The following CSMD1 variants were observed in gnomAD, a reference collection of about 807,000 sequenced individuals.
The protein encoded by CSMD1 is CUB and sushi domain-containing protein 1.
CSMD1 carries 213 observed loss-of-function variants against 417.5 expected under a neutral mutation model. That is an observed-to-expected ratio of 0.51 (90% CI 0.46 to 0.57). The LOEUF (loss-of-function observed/expected upper bound fraction) is 0.57. CSMD1 is among the 20% of genes least tolerant of loss of function. The probability of loss-of-function intolerance (pLI) is 0.00; values close to 1 mark genes in which losing one functional copy is unlikely to be tolerated. For synonymous variants in CSMD1, 2,862 were observed against 1,736.8 expected (o/e 1.65, Z -16.11); for missense variants, 6,923 against 4,529.7 (o/e 1.53, Z -15.17).
intron 5 of CSMD1, among the ~76,000 whole-genome samples, chr8:3,851,036 T>A (rs1236141799): frequency 6.6e-6 from 1 of 152,232 alleles, no homozygotes; most frequent in Non-Finnish European, 1.5e-5. Context: ...GATGCTCACA[T>A]AACAATTTGT....
chr8:3,997,998 C>T lies in CSMD1; in HGVS notation c.723G>A (p.Glu241=), dbSNP rs961664685. The T allele has an allele frequency of 6.2e-7, 1 of 1,609,898 alleles. No individual in the cohort carries two copies. The highest frequency in any genetic ancestry group is 1.3e-5 in the African/African-American group (1 of 74,894). ...NADCTWTILA[E]PGDTIALVFT... ...AGACCAGCGCAATGGTGTCCCCGGG[C>T]TCAGCCAGAATGGTCCAGGTGCAGT... is the stretch of plus-strand genomic sequence containing the variant. Residue 241 remains glutamate, a synonymous_variant, in exon 5 of 70, where the codon GAG becomes GAA. Coordinates refer to ENST00000635120, the MANE Select transcript of CSMD1 (RefSeq NM_033225.6).
chr8:4,240,604 C>T (rs1397335672), intron 3 of CSMD1, among the ~76,000 whole-genome samples: 1 of 152,188 alleles, frequency 6.6e-6, no homozygotes, highest in Non-Finnish European at 1.5e-5. Context: ...ACTCCTTTCA[C>T]ACTGAGGATG....
intron 60 of CSMD1, among the ~76,000 whole-genome samples, 165 bp downstream of exon 60, chr8:2,963,057 A>G (rs1291301013): frequency 6.6e-6 from 1 of 151,644 alleles, no homozygotes; most frequent in East Asian, 1.9e-4. Context: ...CAAAAAGGAG[A>G]CTCTGCCCTT....
intron 2 of CSMD1, among the ~76,000 whole-genome samples, chr8:4,530,159 C>T (rs1389120500): frequency 6.6e-6 from 1 of 151,712 alleles, no homozygotes; most frequent in Non-Finnish European, 1.5e-5. Flanking sequence ...GTGATCTGCC[C>T]ACCTCAGCCT....
chr8:4,294,550 G>C (rs1210925448), intron 3 of CSMD1, among the ~76,000 whole-genome samples: 1 of 152,090 alleles, frequency 6.6e-6, no homozygotes, highest in Non-Finnish European at 1.5e-5. Context: ...CAAATCACTT[G>C]TCCATGGTGC....
intron 12 of CSMD1, among the ~76,000 whole-genome samples, chr8:3,420,342 C>G (rs947412449): frequency 1.3e-5 from 2 of 149,214 alleles, no homozygotes; most frequent in African/African-American, 4.9e-5. Context: ...AAGGCAGTAA[C>G]AATTCAGAGG....
At chr8:4,153,998 G>C (rs1429571118) in intron 3 of CSMD1, among the ~76,000 whole-genome samples, 1 of 152,144 alleles carries the variant, frequency 6.6e-6, no homozygotes, top group Non-Finnish European at 1.5e-5. Context: ...TCCAATGATA[G>C]CTTTCCATCC....
At chr8:3,958,531 G>A (rs762959997) in intron 5 of CSMD1, among the ~76,000 whole-genome samples, 3 of 152,060 alleles carry the variant, frequency 2.0e-5, no homozygotes, top group African/African-American at 4.8e-5. Flanking sequence ...TCTGGGTTTA[G>A]TTCTATTATT....
chr8:4,338,303 G>T (rs544012418), intron 3 of CSMD1, among the ~76,000 whole-genome samples: 1 of 152,124 alleles, frequency 6.6e-6, no homozygotes. Flanking sequence ...GTTGAATATA[G>T]TTAGTTACAC....
chr8:4,392,752 G>A (rs1007939687), intron 3 of CSMD1, among the ~76,000 whole-genome samples: 4 of 151,406 alleles, frequency 2.6e-5, no homozygotes, highest in Non-Finnish European at 5.9e-5. Context: ...GGCGGATCAC[G>A]AGGTCAAGAG....
At chr8:4,414,313 C>T (rs920808036) in intron 3 of CSMD1, among the ~76,000 whole-genome samples, 1 of 152,150 alleles carries the variant, frequency 6.6e-6, no homozygotes, top group African/African-American at 2.4e-5. Context: ...CATCCTAAAT[C>T]ACTTCCTGAA....
intron 3 of CSMD1, among the ~76,000 whole-genome samples, chr8:4,276,074 G>T (rs1049432148): frequency 6.6e-6 from 1 of 152,088 alleles, no homozygotes; most frequent in Non-Finnish European, 1.5e-5. Context: ...GATTCCTTAA[G>T]GATCTAGAAC....
chr8:4,203,826 G>A (rs1395817407), intron 3 of CSMD1, among the ~76,000 whole-genome samples: 1 of 152,124 alleles, frequency 6.6e-6, no homozygotes, highest in African/African-American at 2.4e-5. Context: ...TTGGTCAGGA[G>A]TCATGGCTCA....
intron 45 of CSMD1, 39 bp downstream of exon 45, chr8:3,107,676 TGTC>T (rs745821160): frequency 1.8e-6 from 2 of 1,139,674 alleles, no homozygotes; most frequent in Admixed American, 2.0e-5. Context: ...TGTAAAAAAA[TGTC>T]GTGCTGAATT....
intron 7 of CSMD1, among the ~76,000 whole-genome samples, chr8:3,643,929 G>C (rs80338306): frequency 0.019 from 2,902 of 152,276 alleles, 49 homozygotes; most frequent in South Asian, 0.045. Context: ...AAAGGGATTT[G>C]TGTATTTAGT....
intron 10 of CSMD1, among the ~76,000 whole-genome samples, chr8:3,549,901 A>C (rs1798835645): frequency 6.6e-6 from 1 of 152,224 alleles, no homozygotes. Flanking sequence ...AATTTGAATA[A>C]ATAAGTCAAC....
intron 3 of CSMD1, among the ~76,000 whole-genome samples, chr8:4,128,418 T>C (rs555931718): frequency 3.0e-4 from 46 of 152,290 alleles, no homozygotes; most frequent in East Asian, 7.7e-4. Flanking sequence ...GATGACTCTA[T>C]TGGGAAAGTT....
rs1229396437 is a variant in CSMD1 at position 3,408,157 on chromosome 8, C to T, written c.1813G>A (p.Gly605Arg). The T allele has an allele frequency of 6.2e-7, 1 of 1,613,028 alleles. No individual in the cohort carries two copies. The highest frequency in any genetic ancestry group is 8.5e-7 in the Non-Finnish European group (1 of 1,179,470). Residue 605 changes from glycine to arginine, a missense_variant, in exon 14 of 70, where the codon GGG becomes AGG. Transcript: ENST00000635120. ...AACCAGACACAGTTCATGTTGTTCC[C>T]ATATTCCTCTGGATAATTTGGTGAC... ...ILSPNYPEEY[G>R]NNMNCVWLII...
chr8:4,087,027 T>G (rs535026398), intron 3 of CSMD1, among the ~76,000 whole-genome samples: 1 of 152,326 alleles, frequency 6.6e-6, no homozygotes, highest in East Asian at 1.9e-4. Context: ...ATCATGGAAT[T>G]AAGTTCCTCC....
Sources: gnomAD v4.1 joint callset for allele counts (sites outside exome capture counted in the v4.1 genomes callset) on GRCh38, gnomAD v4.1.1 for gene constraint, MANE v1.5 for transcripts, NCBI Gene and HGNC (gene_info 2026-07-23, HGNC 2026-07-21) for gene names.